The following UBXN2A variants were observed in gnomAD, a reference collection of about 807,000 sequenced individuals.
UBXN2A encodes the protein UBX domain protein 2A, also known as UBX domain-containing protein 2A.
A neutral mutation model predicts 28.4 loss-of-function variants in UBXN2A; 28 were observed. The ratio of observed to expected loss-of-function variants is 0.99; its 90% CI spans 0.73 to 1.35. The LOEUF (loss-of-function observed/expected upper bound fraction) is 1.35. Ranked by LOEUF, UBXN2A falls within the 40% of genes most tolerant of loss-of-function variation. UBXN2A has a pLI of 0.00. For synonymous variants in UBXN2A, 97 were observed against 103.6 expected (o/e 0.94, Z 0.39); for missense variants, 253 against 297.9 (o/e 0.85, Z 1.11).
At position 24,000,072 on chromosome 2, in the gene UBXN2A, A is replaced by G. The variant is rs3088337; in HGVS notation, c.*205A>G. ...AAACTATATTCAGTGCACTTTCTCCAAAAGACTACCCAGAAAAATAGACTT... is the reference window on the plus strand; with the variant it reads ...AAACTATATTCAGTGCACTTTCTCCGAAAGACTACCCAGAAAAATAGACTT... On this transcript the variant is annotated 3_prime_UTR_variant, in exon 7 of 7. Coordinates refer to ENST00000309033, the MANE Select transcript of UBXN2A (RefSeq NM_181713.4). 0.09 allele frequency: 46,237 copies of G among 516,066 alleles called. 2,517 individuals are homozygous for G. The highest frequency in any genetic ancestry group is 0.11 in the Non-Finnish European group (32,264 of 296,146). 32.0% of individuals were successfully genotyped at this position (516,066 alleles called of 1,614,324 possible).
intron 1 of UBXN2A, among the ~76,000 whole-genome samples, chr2:23,946,801 C>A (rs932252804): frequency 3.3e-5 from 5 of 151,836 alleles, no homozygotes; most frequent in Non-Finnish European, 7.4e-5. Flanking sequence ...TTCTTATACA[C>A]TTATTTTAAA....
chr2:23,967,526 C>T (rs898905917), intron 2 of UBXN2A, among the ~76,000 whole-genome samples: 1 of 152,118 alleles, frequency 6.6e-6, no homozygotes, highest in African/African-American at 2.4e-5. Flanking sequence ...ATTTAATCTT[C>T]ACAACAACCA....
intron 1 of UBXN2A, among the ~76,000 whole-genome samples, chr2:23,931,652 C>T (rs1313831090): frequency 6.6e-6 from 1 of 152,142 alleles, no homozygotes; most frequent in African/African-American, 2.4e-5. Context: ...TAAGCAAGGG[C>T]TCCAAAGACA....
chr2:23,997,186 TC>T, intron 6 of UBXN2A: 1 of 152,352 alleles, frequency 6.6e-6, no homozygotes, highest in Admixed American at 6.5e-5. Context: ...CCTCCCAAAG[TC>T]CTGGGATTAC....
At chr2:23,961,693 G>T (rs1348159855) in intron 2 of UBXN2A, among the ~76,000 whole-genome samples, 1 of 149,578 alleles carries the variant, frequency 6.7e-6, no homozygotes, top group African/African-American at 2.5e-5. Flanking sequence ...GACTGTAGGT[G>T]CACACCACCA....
chr2:23,999,964 C>A lies in UBXN2A; in HGVS notation c.*97C>A. 7.8e-7 allele frequency: 1 copy of A among 1,289,124 alleles called. No homozygotes were observed. The highest frequency in any genetic ancestry group is 1.1e-6 in the Non-Finnish European group (1 of 928,592). 79.9% of individuals were successfully genotyped at this position (1,289,124 alleles called of 1,614,324 possible). ...GATTGGAGAAGTCAGACTCACTAGACTTTTGGTTCGAGTACTATTGAACTC... is the reference window on the plus strand; with the variant it reads ...GATTGGAGAAGTCAGACTCACTAGAATTTTGGTTCGAGTACTATTGAACTC... On this transcript the variant is annotated 3_prime_UTR_variant, in exon 7 of 7. Transcript: ENST00000309033.
rs1445961880 is a variant in UBXN2A, at chr2:23,971,348, T to G, written c.114T>G (p.Asp38Glu). ...AATCAAATTGTGAATATTTTGTTGATAGCCTTTTTGAGGAAGCTCAGAAGG... is the reference window on the plus strand; with the variant it reads ...AATCAAATTGTGAATATTTTGTTGAGAGCCTTTTTGAGGAAGCTCAGAAGG... ...NQQSNCEYFV[D>E]SLFEEAQKVS... Residue 38 changes from aspartate to glutamate, a missense_variant, in exon 3 of 7, where the codon GAT (aspartate) becomes GAG (glutamate). Coordinates refer to ENST00000309033, the MANE Select transcript of UBXN2A (RefSeq NM_181713.4). 2.5e-6 allele frequency: 4 copies of G among 1,579,396 alleles called. No homozygotes were observed. The highest frequency in any genetic ancestry group is 3.4e-5 in the Admixed American group (2 of 59,552).
At chr2:23,997,679 C>G (rs753223854) in intron 6 of UBXN2A, among the ~76,000 whole-genome samples, 1 of 152,132 alleles carries the variant, frequency 6.6e-6, no homozygotes, top group South Asian at 2.1e-4. Flanking sequence ...GTCTCTTGAT[C>G]TCGTGATCTG....
chr2:23,946,407 G>T (rs886168125), intron 1 of UBXN2A, among the ~76,000 whole-genome samples: 1 of 151,580 alleles, frequency 6.6e-6, no homozygotes. Flanking sequence ...TGCAATGTCC[G>T]CCTCCTGGGT....
intron 1 of UBXN2A, among the ~76,000 whole-genome samples, chr2:23,951,164 C>G (rs1210677370): frequency 6.6e-6 from 1 of 151,804 alleles, no homozygotes; most frequent in African/African-American, 2.4e-5. Context: ...TTGAAGCATA[C>G]AGTATTATTA....
At chr2:23,982,175 CGAT>C (rs1046508337) in intron 4 of UBXN2A, among the ~76,000 whole-genome samples, 8 of 148,746 alleles carry the variant, frequency 5.4e-5, no homozygotes, top group African/African-American at 2.0e-4. Context: ...CTGGCTAACA[CGAT>C]GAAACTCCAT....
At chr2:23,982,366 CA>C (rs1305765791) in intron 4 of UBXN2A, among the ~76,000 whole-genome samples, 211 of 131,976 alleles carry the variant, frequency 1.6e-3, no homozygotes, top group Admixed American at 1.8e-3. Flanking sequence ...GACTCCGTCT[CA>C]AAAAAAAAAA....
At chr2:23,934,022 C>T (rs1399005583) in intron 1 of UBXN2A, among the ~76,000 whole-genome samples, 1 of 152,096 alleles carries the variant, frequency 6.6e-6, no homozygotes, top group Non-Finnish European at 1.5e-5. Context: ...TTGAGACCAG[C>T]CTGGCCAACA....
At chr2:23,989,272 A>C (rs1708249888) in intron 6 of UBXN2A, among the ~76,000 whole-genome samples, 1 of 151,278 alleles carries the variant, frequency 6.6e-6, no homozygotes, top group Non-Finnish European at 1.5e-5. Context: ...GTGTATGTAT[A>C]TATATGCACT....
intron 3 of UBXN2A, among the ~76,000 whole-genome samples, chr2:23,972,928 A>G (rs972225900): frequency 4.6e-5 from 7 of 152,210 alleles, no homozygotes; most frequent in African/African-American, 1.7e-4. Flanking sequence ...TATTTCTACA[A>G]TATACAGAAG....
At chr2:23,973,539 A>T (rs1475482908) in intron 3 of UBXN2A, among the ~76,000 whole-genome samples, 2 of 148,410 alleles carry the variant, frequency 1.3e-5, no homozygotes, top group Non-Finnish European at 3.0e-5. Context: ...AGGGTTTCAC[A>T]GTGTTAGCCA....
At chr2:23,966,071 A>G (rs1441268391) in intron 2 of UBXN2A, among the ~76,000 whole-genome samples, 2 of 151,850 alleles carry the variant, frequency 1.3e-5, no homozygotes, top group African/African-American at 4.8e-5. Flanking sequence ...CAAACCCATT[A>G]CCACCTGTTC....
In UBXN2A at chr2:23,995,311, C is replaced by T. The variant is rs923263245; in HGVS notation, c.585-4361C>T. Among the ~76,000 whole-genome samples, 3 of 151,986 alleles carry T rather than the reference C, an allele frequency of 2.0e-5. No individual in the cohort carries two copies. The South Asian group carries it at 6.2e-4, about 32-fold the overall frequency. ...GGAGCTCACCTTGTGCATTTCCTTC[C>T]TACAGGGCTCTCAGATGATTTACAT... On this transcript the variant is annotated intron_variant, in intron 6 of 6. Coordinates refer to ENST00000309033, the MANE Select transcript of UBXN2A (RefSeq NM_181713.4).
At chr2:23,993,163 A>G (rs1420735800) in intron 6 of UBXN2A, among the ~76,000 whole-genome samples, 3 of 152,210 alleles carry the variant, frequency 2.0e-5, no homozygotes, top group African/African-American at 7.2e-5. Flanking sequence ...TTTGTGACCT[A>G]AATTCCTTCC....
Sources: allele counts gnomAD v4.1 joint callset (sites outside exome capture counted in the v4.1 genomes callset), GRCh38; gene constraint gnomAD v4.1.1; transcripts MANE v1.5; gene names NCBI Gene and HGNC (gene_info 2026-07-23, HGNC 2026-07-21).